OTOGL: variants seen among roughly 807,000 people sequenced by gnomAD.
OTOGL encodes the protein otogelin-like protein.
In OTOGL, 285 loss-of-function variants were observed where a neutral mutation model predicts 318.5. The ratio of observed to expected loss-of-function variants is 0.89; its 90% confidence interval spans 0.81 to 0.99. The LOEUF (loss-of-function observed/expected upper bound fraction) is 0.99, where lower values mean the gene tolerates loss of function less well. OTOGL is among the 50% of genes least tolerant of loss of function. OTOGL has a pLI of 0.00. For synonymous variants in OTOGL, 987 were observed against 936.5 expected (o/e 1.05, Z -0.99); for missense variants, 2,899 against 2,845.6 (o/e 1.02, Z -0.43).
At chr12:80,370,481 T>A (rs1890809244) in intron 55 of OTOGL, 89 bp from the exon 56 acceptor site, 1 of 1,164,910 alleles carries the variant, frequency 8.6e-7, no homozygotes, top group Non-Finnish European at 1.1e-6. Flanking sequence ...GCATCTTGAT[T>A]TGACTTTTTA....
intron 11 of OTOGL, among the ~76,000 whole-genome samples, chr12:80,246,462 C>G (rs1450655145): frequency 7.4e-6 from 1 of 135,624 alleles, no homozygotes; most frequent in African/African-American, 3.2e-5. Flanking sequence ...TGCTGGATTA[C>G]ATTTATTGAT....
chr12:80,256,197 T>C, intron 16 of OTOGL, 140 bp from the exon 17 acceptor site: 1 of 1,037,378 alleles, frequency 9.6e-7, no homozygotes, highest in Non-Finnish European at 1.3e-6. Context: ...GAAATTCTAA[T>C]TTATATGCAC....
At chr12:80,269,292 T>C (rs1883230170) in intron 22 of OTOGL, among the ~76,000 whole-genome samples, 1 of 152,206 alleles carries the variant, frequency 6.6e-6, no homozygotes, top group South Asian at 2.1e-4. Context: ...ATGTGTTGTT[T>C]TCCATCATGT....
At chr12:80,296,077 C>T (rs1298685221) in intron 26 of OTOGL, among the ~76,000 whole-genome samples, 2 of 152,122 alleles carry the variant, frequency 1.3e-5, no homozygotes, top group African/African-American at 2.4e-5. Context: ...AAATAGTGTT[C>T]CTTGAATTTA....
intron 1 of OTOGL, among the ~76,000 whole-genome samples, chr12:80,124,966 C>T (rs1355591762): frequency 2.0e-5 from 3 of 152,322 alleles, no homozygotes; most frequent in Non-Finnish European, 4.4e-5. Flanking sequence ...TCTAGATACA[C>T]AATCATGTCA....
intron 11 of OTOGL, among the ~76,000 whole-genome samples, chr12:80,241,941 G>A (rs1299929135): frequency 5.9e-5 from 9 of 151,996 alleles, no homozygotes. Flanking sequence ...CCCTTAAAAA[G>A]GGAGAAAAAA....
At position 80,367,589 on chromosome 12, in the gene OTOGL, A is replaced by G; in HGVS notation, c.6360A>G (p.Glu2120=). The change falls in exon 54 of 59, where the codon GAA becomes GAG. Residue 2120 remains glutamate (E), a synonymous_variant. Coordinates refer to ENST00000547103, the MANE Select transcript of OTOGL (RefSeq NM_001378609.3). ...CEKDDVCVFQ[E]VSVLNPGQSM... Reference sequence around the variant, plus strand: ...AGGATGATGTGTGTGTATTTCAAGAAGTATCAGTATTGAATCCTGGACAAT... The same window carrying G: ...AGGATGATGTGTGTGTATTTCAAGAGGTATCAGTATTGAATCCTGGACAAT... The G allele has an allele frequency of 1.9e-6, 3 of 1,542,054 alleles. No individual in the cohort carries two copies. Among genetic ancestry groups the G allele is most frequent in the Non-Finnish European group, 2.6e-6 (3 of 1,133,866 alleles).
chr12:80,286,612 G>T lies in OTOGL; in HGVS notation c.2928+7446G>T, dbSNP rs1481542649. ...CTGCCTTAGTCTTGGGAGGGTGTATGTGTCCAGGAATTTATCCATTTATTC... is the reference window on the plus strand; with the variant it reads ...CTGCCTTAGTCTTGGGAGGGTGTATTTGTCCAGGAATTTATCCATTTATTC... On this transcript the variant is annotated intron_variant, in intron 26 of 58. Transcript: ENST00000547103. 2.0e-5 allele frequency among the ~76,000 whole-genome samples: 3 copies of T among 152,152 alleles called. No homozygotes were observed. The East Asian group carries it at 5.8e-4, about 29-fold the overall frequency.
At chr12:80,115,719 G>T (rs529755151) in intron 1 of OTOGL, among the ~76,000 whole-genome samples, 1 of 152,308 alleles carries the variant, frequency 6.6e-6, no homozygotes, top group African/African-American at 2.4e-5. Context: ...GACTGGGGCT[G>T]CTGCCTTTCT....
chr12:80,165,655 C>A (rs536038669), intron 1 of OTOGL, among the ~76,000 whole-genome samples: 2 of 152,216 alleles, frequency 1.3e-5, no homozygotes, highest in African/African-American at 4.8e-5. Context: ...TCCTGCCCTG[C>A]GGGCCTGAGG....
intron 9 of OTOGL, 112 bp from the exon 10 acceptor site, chr12:80,238,739 T>C: frequency 8.4e-7 from 1 of 1,197,068 alleles, no homozygotes; most frequent in South Asian, 3.4e-5. Flanking sequence ...ATAATGTTAC[T>C]GAGTTTAATG....
At chr12:80,109,887 A>G (rs1869722233) in intron 1 of OTOGL, among the ~76,000 whole-genome samples, 1 of 152,124 alleles carries the variant, frequency 6.6e-6, no homozygotes, top group Non-Finnish European at 1.5e-5. Flanking sequence ...TATCACAAAC[A>G]TCACAAAATC....
chr12:80,270,057 A>T, intron 22 of OTOGL, 45 bp from the exon 23 acceptor site: 1 of 1,417,280 alleles, frequency 7.1e-7, no homozygotes, highest in Non-Finnish European at 9.7e-7. Flanking sequence ...AAAAAAAAAA[A>T]ACAACAGATT....
At chr12:80,114,946 C>T (rs1870072503) in intron 1 of OTOGL, among the ~76,000 whole-genome samples, 1 of 151,682 alleles carries the variant, frequency 6.6e-6, no homozygotes, top group Non-Finnish European at 1.5e-5. Context: ...AGTTCTTGTG[C>T]TGTGTTTTTC....
chr12:80,165,525 C>T (rs1592510648), intron 1 of OTOGL, among the ~76,000 whole-genome samples: 1 of 152,190 alleles, frequency 6.6e-6, no homozygotes, highest in African/African-American at 2.4e-5. Context: ...CTTGCACTAT[C>T]TACTTTGCTT....
intron 28 of OTOGL, among the ~76,000 whole-genome samples, chr12:80,304,783 T>C (rs190287948): frequency 6.6e-6 from 1 of 152,226 alleles, no homozygotes; most frequent in Admixed American, 6.5e-5. Context: ...GGGGAGAACT[T>C]GCAGTGATGA....
Position 80,219,898 on chromosome 12 carries a change from C to T in OTOGL, c.320C>T (p.Thr107Ile), listed in dbSNP as rs1430188553. The T allele has an allele frequency of 1.9e-6, 3 of 1,575,504 alleles. No homozygotes were observed. The highest frequency in any genetic ancestry group is 2.6e-6 in the Non-Finnish European group (3 of 1,160,352). ...CDCQIFQALGTRCQIIPNMGN... is the reference protein window; with the variant it reads ...CDCQIFQALGIRCQIIPNMGN... The stretch of plus-strand genomic sequence containing the variant: ...TGTCAAATATTTCAGGCTCTTGGGA[C>T]AAGATGCCAGATCAGTAAGTTTCAG... The change falls in exon 6 of 59, where the codon ACA becomes ATA. Residue 107 changes from threonine to isoleucine, a missense_variant. By Grantham distance (89) the Thr-to-Ile change is moderately conservative. Transcript: ENST00000547103.
chr12:80,194,696 G>A lies in OTOGL; in HGVS notation c.-19-14717G>A, dbSNP rs748691751. On this transcript the variant is annotated intron_variant, in intron 1 of 58. Coordinates refer to ENST00000547103, the MANE Select transcript of OTOGL (RefSeq NM_001378609.3). ...GAGAGCGCTCTAAAATATATTTAAT[G>A]TAGCACTTACATTTATTTTTTCTGA... Among the ~76,000 whole-genome samples the A allele has an allele frequency of 5.8e-4, 88 of 152,134 alleles. 1 individual carries two copies. Among genetic ancestry groups the A allele is most frequent in the Non-Finnish European group, 1.1e-3 (72 of 68,024 alleles).
chr12:80,131,407 G>A (rs553215126), intron 1 of OTOGL, among the ~76,000 whole-genome samples: 1 of 152,294 alleles, frequency 6.6e-6, no homozygotes, highest in South Asian at 2.1e-4. Context: ...AGAGTCAGAG[G>A]CCCTGAGGGC....
Sources: allele counts gnomAD v4.1 joint callset (sites outside exome capture counted in the v4.1 genomes callset), GRCh38; gene constraint gnomAD v4.1.1; transcripts MANE v1.5; gene names NCBI Gene and HGNC (gene_info 2026-07-23, HGNC 2026-07-21).